Variants in CPA6 observed in about 807,000 individuals in gnomAD.
CPA6 encodes the protein carboxypeptidase A6.
A neutral mutation model predicts 63.3 loss-of-function variants in CPA6; 58 were observed. The ratio of observed to expected loss-of-function variants is 0.92; its 90% CI spans 0.74 to 1.14. CPA6 has a LOEUF of 1.14. Among genes scored for constraint, CPA6 ranks in the 50% most tolerant of loss-of-function variants. The probability of loss-of-function intolerance (pLI) is 0.00; values close to 1 mark genes in which losing one functional copy is unlikely to be tolerated. For missense variants in CPA6, 565 were observed against 526.6 expected, an observed-to-expected ratio of 1.07 and a Z score of -0.71; for synonymous variants, 185 against 179.0, an observed-to-expected ratio of 1.03 and a Z score of -0.27.
chr8:67,570,693 T>C (rs1439937614), intron 2 of CPA6, among the ~76,000 whole-genome samples: 2 of 151,862 alleles, frequency 1.3e-5, no homozygotes, highest in Non-Finnish European at 1.5e-5. Flanking sequence ...AAATAAGAGA[T>C]AGAAAAAACA....
chr8:67,628,127 G>A (rs1334805081), intron 1 of CPA6, among the ~76,000 whole-genome samples: 1 of 151,868 alleles, frequency 6.6e-6, no homozygotes, highest in Non-Finnish European at 1.5e-5. Context: ...GCAGGAGAAT[G>A]GCTTGAACCT....
intron 1 of CPA6, among the ~76,000 whole-genome samples, chr8:67,745,668 G>T (rs1011058238): frequency 2.6e-5 from 4 of 152,084 alleles, no homozygotes; most frequent in African/African-American, 9.7e-5. Flanking sequence ...TAGTTTTCAG[G>T]TCATAAATCA....
At chr8:67,426,586 T>C (rs748051036) in intron 10 of CPA6, among the ~76,000 whole-genome samples, 13 of 152,148 alleles carry the variant, frequency 8.5e-5, no homozygotes, top group Non-Finnish European at 1.8e-4. Context: ...TATTTGTCAA[T>C]GTTAATTGAC....
intron 5 of CPA6, among the ~76,000 whole-genome samples, chr8:67,508,491 G>C (rs1811978318): frequency 6.6e-6 from 1 of 152,098 alleles, no homozygotes; most frequent in African/African-American, 2.4e-5. Flanking sequence ...TTATGGGCTA[G>C]ATGTGCCTGT....
intron 8 of CPA6, among the ~76,000 whole-genome samples, chr8:67,482,121 G>A (rs1268970477): frequency 6.6e-6 from 1 of 152,224 alleles, no homozygotes; most frequent in Non-Finnish European, 1.5e-5. Flanking sequence ...GCTGGGTAAA[G>A]GAAGAACAAC....
chr8:67,428,285 C>A (rs1044909175), intron 9 of CPA6, among the ~76,000 whole-genome samples, 154 bp from the exon 10 acceptor site: 2 of 152,124 alleles, frequency 1.3e-5, no homozygotes, highest in African/African-American at 4.8e-5. Context: ...ATGTCACACG[C>A]TACATTTTGC....
intron 8 of CPA6, among the ~76,000 whole-genome samples, chr8:67,456,304 A>C (rs539036719): frequency 6.6e-6 from 1 of 152,176 alleles, no homozygotes; most frequent in Non-Finnish European, 1.5e-5. Context: ...AGGTCTCCCA[A>C]ATCCCTCTCA....
Position 67,502,661 on chromosome 8 carries a change from A to G in CPA6, c.636+4126T>C, listed in dbSNP as rs148905888. On this transcript the variant is annotated intron_variant, in intron 6 of 10. Transcript: ENST00000297770. ...GCACTGCTTTAGCTATGCCCCACAC[A>G]TTTTGATATGTTGTATTTTCACTTT... Among the ~76,000 whole-genome samples, 373 of 152,278 alleles carry G rather than the reference A, an allele frequency of 2.4e-3. 1 individual carries two copies. Among genetic ancestry groups the G allele is most frequent in the African/African-American group, 8.4e-3 (349 of 41,556 alleles).
intron 8 of CPA6, among the ~76,000 whole-genome samples, chr8:67,437,599 G>A (rs1456761690): frequency 6.6e-6 from 1 of 152,034 alleles, no homozygotes. Flanking sequence ...TATTCTCAAG[G>A]GCATGTAGGA....
chr8:67,713,111 A>ATATATATATATATATATATATATT, intron 1 of CPA6, among the ~76,000 whole-genome samples: 1 of 102,538 alleles, frequency 9.8e-6, no homozygotes, highest in South Asian at 3.6e-4. Context: ...ATATATATAT[A>ATATATATATATATATATATATATT]TATATATATA....
chr8:67,519,238 G>A (rs1280799777), intron 2 of CPA6, among the ~76,000 whole-genome samples: 1 of 152,212 alleles, frequency 6.6e-6, no homozygotes, highest in African/African-American at 2.4e-5. Context: ...CTTCATCAAA[G>A]GCACAATGGA....
chr8:67,535,197 T>C (rs1812559961), intron 2 of CPA6, among the ~76,000 whole-genome samples: 1 of 152,226 alleles, frequency 6.6e-6, no homozygotes, highest in Admixed American at 6.5e-5. Context: ...AGTAGAATGA[T>C]TTATAATCCT....
chr8:67,479,167 C>T (rs1416248780), intron 8 of CPA6, among the ~76,000 whole-genome samples: 1 of 152,184 alleles, frequency 6.6e-6, no homozygotes, highest in Non-Finnish European at 1.5e-5. Context: ...AGTCCAGACC[C>T]ACCAAAGAAG....
chr8:67,720,127 A>T (rs1224580433), intron 1 of CPA6, among the ~76,000 whole-genome samples: 2 of 151,536 alleles, frequency 1.3e-5, no homozygotes, highest in Non-Finnish European at 2.9e-5. Context: ...GGAAAATTAC[A>T]GTCAAAGGGG....
At chr8:67,727,375 G>C (rs1817616497) in intron 1 of CPA6, among the ~76,000 whole-genome samples, 1 of 152,162 alleles carries the variant, frequency 6.6e-6, no homozygotes, top group South Asian at 2.1e-4. Context: ...AAGGAAATTG[G>C]AAGACCTTAG....
chr8:67,705,973 G>C (rs1347102065), intron 1 of CPA6, among the ~76,000 whole-genome samples: 1 of 152,144 alleles, frequency 6.6e-6, no homozygotes, highest in African/African-American at 2.4e-5. Flanking sequence ...TTATAAAGAG[G>C]AGATTTTGTA....
At chr8:67,507,999 TTGTGTGTGTGTGTGTGTGTGTGTGTG>T (rs145996041) in intron 5 of CPA6, among the ~76,000 whole-genome samples, 11,282 of 142,376 alleles carry the variant, frequency 0.079, 1,135 homozygotes, top group African/African-American at 0.23. Context: ...ATGGGGTGCT[TTGTGTGTGTGTGTGTGTGTGTGTGTG>T]TGTGTGTGTG....
intron 3 of CPA6, among the ~76,000 whole-genome samples, chr8:67,515,390 T>C (rs577276913): frequency 2.9e-4 from 44 of 152,292 alleles, no homozygotes; most frequent in Non-Finnish European, 5.3e-4. Context: ...CTACATTCTC[T>C]AGCCTCTTCA....
chr8:67,448,800 TG>T (rs967893727), intron 8 of CPA6, among the ~76,000 whole-genome samples: 1 of 152,114 alleles, frequency 6.6e-6, no homozygotes, highest in African/African-American at 2.4e-5. Flanking sequence ...TTTTTTTCCA[TG>T]GAAGTCTTTA....
Sources: allele counts gnomAD v4.1 joint callset (sites outside exome capture counted in the v4.1 genomes callset), GRCh38; gene constraint gnomAD v4.1.1; transcripts MANE v1.5; gene names NCBI Gene and HGNC (gene_info 2026-07-23, HGNC 2026-07-21).